The following NLRP12 variants were observed in gnomAD, a reference collection of about 807,000 sequenced individuals.
The protein encoded by NLRP12 is NACHT, LRR and PYD domains-containing protein 12.
In NLRP12, 108 loss-of-function variants were observed where a neutral mutation model predicts 91.2. The observed-to-expected ratio is 1.18, with a 90% CI of 1.01 to 1.39. The LOEUF is 1.39. NLRP12 is among the 40% of genes most tolerant of loss of function. The pLI, the probability that NLRP12 is intolerant of heterozygous loss-of-function variation, is 0.00. For missense variants in NLRP12, 1,530 were observed against 1,352.7 expected (o/e 1.13, Z -2.06); for synonymous variants, 613 against 566.7 (o/e 1.08, Z -1.16).
chr19:53,793,843 T>C lies in NLRP12; in HGVS notation c.*206A>G, dbSNP rs1462270795. 7.8e-6 allele frequency: 5 copies of C among 643,506 alleles called. No homozygotes were observed. Among genetic ancestry groups the C allele is most frequent in the East Asian group, 5.5e-5 (2 of 36,250 alleles). The allele number at this position is 643,506 out of a possible 1,614,324, so 39.9% of individuals were successfully genotyped here. A position where few individuals can be genotyped will look rare whatever the true frequency, so the allele number is the denominator to read the frequency against. On this transcript the variant is annotated 3_prime_UTR_variant, in exon 10 of 10. Transcript: ENST00000324134. ...CTCGTGATCCACCTGCCTCGGCCTCTCGAAGTGCTAGGATTACATACATGA... is the reference window on the plus strand; with the variant it reads ...CTCGTGATCCACCTGCCTCGGCCTCCCGAAGTGCTAGGATTACATACATGA...
At chr19:53,796,669 C>A (rs1425277123) in intron 8 of NLRP12, among the ~76,000 whole-genome samples, 1 of 151,854 alleles carries the variant, frequency 6.6e-6, no homozygotes, top group Non-Finnish European at 1.5e-5. Flanking sequence ...TAGGCGTGAG[C>A]CACTACGCCC....
intron 4 of NLRP12, among the ~76,000 whole-genome samples, chr19:53,806,782 C>A (rs1394965327): frequency 1.3e-5 from 2 of 150,106 alleles, no homozygotes; most frequent in Non-Finnish European, 3.0e-5. Flanking sequence ...CGCTTGAGTC[C>A]AGGAGTTTGG....
At chr19:53,808,670 G>A (rs568396938) in intron 3 of NLRP12, 1 of 152,194 alleles carries the variant, frequency 6.6e-6, no homozygotes, top group East Asian at 1.9e-4. Context: ...CTCCAGCCTT[G>A]GTGACAGAGC....
intron 1 of NLRP12, among the ~76,000 whole-genome samples, chr19:53,817,420 C>T (rs1052296292): frequency 4.0e-5 from 6 of 149,484 alleles, no homozygotes; most frequent in African/African-American, 9.9e-5. Flanking sequence ...CGGAGCGAGA[C>T]TCCATCTCAA....
rs754238743 is a variant in NLRP12 at position 53,810,663 on chromosome 19, C to A, written c.996G>T (p.Leu332=). ...TGATGAGCAAAGATAGCTCAGGGAG[C>A]AGCTTCTTCCGAATTAAGCTGTTAA... is the stretch of plus-strand genomic sequence containing the variant. ...LLLNSLIRKK[L]LPELSLLITT... The change falls in exon 3 of 10, where the codon CTG becomes CTT. Residue 332 remains leucine, a synonymous_variant. Transcript: ENST00000324134. 29 of 1,613,834 alleles carry A rather than the reference C, an allele frequency of 1.8e-5. No homozygotes were observed. Among genetic ancestry groups the A allele is most frequent in the Non-Finnish European group, 2.1e-5 (25 of 1,179,924 alleles).
intron 1 of NLRP12, among the ~76,000 whole-genome samples, chr19:53,816,717 T>A (rs930321750): frequency 3.3e-5 from 5 of 151,676 alleles, no homozygotes; most frequent in African/African-American, 1.2e-4. Flanking sequence ...AATTTTTGTA[T>A]TTTTAGTAGA....
chr19:53,795,841 C>CTGG lies in NLRP12; in HGVS notation c.3098+15_3098+17dup. ...AATGTCCAGCCTCCTCCAGAAAGAA[C>CTGG]TGGTCATCATCCCTCACCAGAGGAC... On this transcript the variant is annotated intron_variant, in intron 9 of 9. Transcript: ENST00000324134. The CTGG allele has an allele frequency of 6.2e-7, 1 of 1,613,420 alleles. No homozygotes were observed. The highest frequency in any genetic ancestry group is 8.5e-7 in the Non-Finnish European group (1 of 1,179,416).
At position 53,809,677 on chromosome 19, in the gene NLRP12, T is replaced by G. The variant is rs201726924; in HGVS notation, c.1982A>C (p.Gln661Pro). ...GGTGGCGCCATACAAGTGCAGCACC[T>G]GGGCGCTCCTGCAGCGCTTCAGACA... is the stretch of plus-strand genomic sequence containing the variant. ...SFCLKRCRSA[Q>P]VLHLYGATYS... The change falls in exon 3 of 10, where the codon CAG (glutamine) becomes CCG (proline). Residue 661 changes from glutamine to proline, a missense_variant. Physicochemically the swap from Gln to Pro is moderately conservative, Grantham distance 76 (BLOSUM62 -1). Transcript: ENST00000324134. The G allele has an allele frequency of 4.6e-5, 74 of 1,613,968 alleles. 1 individual carries two copies. Among genetic ancestry groups the G allele is most frequent in the Non-Finnish European group, 5.7e-5 (67 of 1,180,012 alleles).
chr19:53,798,067 C>A (rs190895443), intron 8 of NLRP12, among the ~76,000 whole-genome samples, 176 bp downstream of exon 8: 3 of 152,178 alleles, frequency 2.0e-5, no homozygotes, highest in African/African-American at 7.2e-5. Flanking sequence ...CGGGTAGCAC[C>A]CCCAAATCAG....
chr19:53,804,393 G>GTTTT (rs923117109), intron 5 of NLRP12, among the ~76,000 whole-genome samples: 2 of 114,802 alleles, frequency 1.7e-5, no homozygotes, highest in South Asian at 2.9e-4. Context: ...TTTTTTTTGG[G>GTTTT]TTTTTTTGTT....
chr19:53,810,201 TAGGCCGTGCTTCCGG>T lies in NLRP12; in HGVS notation c.1443_1457del (p.Arg482_Leu486del), dbSNP rs1348988351. ...GGAAGGCAGAGACGTCTTCCCCGTC[TAGGCCGTGCTTCCGG>T]AGGTCCTGCTCCTCAAATAGGATTT... On this transcript the variant is annotated inframe_deletion, in exon 3 of 10. Coordinates refer to ENST00000324134, the MANE Select transcript of NLRP12 (RefSeq NM_144687.4). The T allele has an allele frequency of 6.2e-7, 1 of 1,614,212 alleles. No homozygotes were observed.
intron 8 of NLRP12, 63 bp downstream of exon 8, chr19:53,798,180 A>T: frequency 6.5e-7 from 1 of 1,543,498 alleles, no homozygotes; most frequent in South Asian, 1.1e-5. Flanking sequence ...AAAATGAAGG[A>T]TGAGAAGGCG....
chr19:53,819,656 T>TATACAC (rs375023050), intron 1 of NLRP12, among the ~76,000 whole-genome samples: 1 of 37,548 alleles, frequency 2.7e-5, no homozygotes, highest in Non-Finnish European at 6.5e-5. Flanking sequence ...CGTATATATA[T>TATACAC]ACACATGTAT....
intron 5 of NLRP12, among the ~76,000 whole-genome samples, chr19:53,804,485 A>C (rs1380118285): frequency 7.6e-6 from 1 of 131,988 alleles, no homozygotes. Flanking sequence ...CGCAACCTCC[A>C]CCTCCTGGGT....
At chr19:53,793,715 G>A, downstream of NLRP12, 1 of 338,316 alleles carries the variant, frequency 3.0e-6, no homozygotes, top group Non-Finnish European at 5.5e-6. Flanking sequence ...CTCCTGAGTA[G>A]CTGGGACTAC....
At chr19:53,818,233 A>G (rs2092192462) in intron 1 of NLRP12, among the ~76,000 whole-genome samples, 1 of 151,754 alleles carries the variant, frequency 6.6e-6, no homozygotes, top group Admixed American at 6.6e-5. Context: ...GCAGGCATGC[A>G]CCACTGTGCC....
At position 53,809,875 on chromosome 19, in the gene NLRP12, A is replaced by T. The variant is rs1473355440; in HGVS notation, c.1784T>A (p.Ile595Asn). The change falls in exon 3 of 10, where the codon ATC becomes AAC. Residue 595 changes from isoleucine to asparagine, a missense_variant. Coordinates refer to ENST00000324134, the MANE Select transcript of NLRP12 (RefSeq NM_144687.4). ...GCCGTCGCTCTGAGCTTTGCTTTGG[A>T]TCCACTGCAACAGGTCCATCTTGAT... ...PHIKMDLLQW[I>N]QSKAQSDGST... 6.2e-7 allele frequency: 1 copy of T among 1,614,040 alleles called. No homozygotes were observed. Among genetic ancestry groups the T allele is most frequent in the Admixed American group, 1.7e-5 (1 of 59,986 alleles).
intron 8 of NLRP12, among the ~76,000 whole-genome samples, chr19:53,797,280 C>T (rs1301959318): frequency 2.0e-5 from 3 of 152,008 alleles, no homozygotes; most frequent in Non-Finnish European, 4.4e-5. Context: ...TACAGACACC[C>T]ACCACCACGC....
intron 7 of NLRP12, among the ~76,000 whole-genome samples, chr19:53,799,353 T>G (rs901738803): frequency 2.6e-5 from 4 of 151,814 alleles, no homozygotes; most frequent in African/African-American, 9.7e-5. Context: ...GGTGCCTTGA[T>G]AAAAAAAATA....
Sources: allele counts gnomAD v4.1 joint callset (sites outside exome capture counted in the v4.1 genomes callset), GRCh38; gene constraint gnomAD v4.1.1; transcripts MANE v1.5; gene names NCBI Gene and HGNC (gene_info 2026-07-23, HGNC 2026-07-21).